Variants in RARRES2 observed in about 807,000 individuals in gnomAD.
RARRES2 encodes retinoic acid receptor responder protein 2.
In RARRES2, 12 loss-of-function variants were observed where a neutral mutation model predicts 17.9. The observed-to-expected ratio is 0.67, with a 90% CI of 0.43 to 1.08. RARRES2 has a LOEUF of 1.08. RARRES2 is among the 50% of genes least tolerant of loss of function. The pLI, the probability that RARRES2 is intolerant of heterozygous loss-of-function variation, is 0.00. For missense variants in RARRES2, 220 were observed against 210.1 expected (o/e 1.05, Z -0.29); for synonymous variants, 82 against 86.8 (o/e 0.94, Z 0.31).
At chr7:150,340,691 C>T (rs1382162676) in intron 1 of RARRES2, 62 bp from the exon 2 acceptor site, 21 of 1,391,744 alleles carry the variant, frequency 1.5e-5, no homozygotes, top group Non-Finnish European at 2.0e-5. Flanking sequence ...CCTCCCGCGC[C>T]CTGCTCTGGG....
At chr7:150,339,221 G>A in intron 3 of RARRES2, 140 bp from the exon 4 acceptor site, 1 of 739,836 alleles carries the variant, frequency 1.4e-6, no homozygotes, top group Non-Finnish European at 2.3e-6. Context: ...AAGAGGTCAT[G>A]CAGGCCAGCA....
intron 1 of RARRES2, 187 bp downstream of exon 1, chr7:150,341,391 G>A (rs1396802907): frequency 6.6e-6 from 1 of 152,284 alleles, no homozygotes; most frequent in Non-Finnish European, 1.5e-5. Context: ...CCACCGGAGG[G>A]GCTGACCCTC....
chr7:150,340,527 C>T lies in RARRES2; in HGVS notation c.83G>A (p.Arg28Gln). The T allele has an allele frequency of 8.2e-6, 13 of 1,586,902 alleles. No individual in the cohort carries two copies. The highest frequency in any genetic ancestry group is 9.4e-6 in the Non-Finnish European group (11 of 1,167,014). ...TTCCTCCAGGGCCACCTGCAGGCCCCGGCGCTGGGCTTCCGTGAGCTCGGC... is the reference window on the plus strand; with the variant it reads ...TTCCTCCAGGGCCACCTGCAGGCCCTGGCGCTGGGCTTCCGTGAGCTCGGC... ...GVAELTEAQR[R>Q]GLQVALEEFH... is the part of the protein sequence containing the mutation. The change falls in exon 2 of 6, where the codon CGG becomes CAG. Residue 28 changes from arginine to glutamine, a missense_variant. Coordinates refer to ENST00000223271, the MANE Select transcript of RARRES2 (RefSeq NM_002889.4).
chr7:150,340,394 G>C, intron 2 of RARRES2, 42 bp downstream of exon 2: 1 of 1,564,710 alleles, frequency 6.4e-7, no homozygotes, highest in South Asian at 1.2e-5. Flanking sequence ...TGGTCTCCTG[G>C]GGTACGACCC....
rs201989291 is a variant in RARRES2, at chr7:150,339,074, C to T, written c.287G>A (p.Arg96Gln). The T allele has an allele frequency of 4.3e-6, 7 of 1,609,766 alleles. No individual in the cohort carries two copies. In the East Asian group the frequency reaches 8.9e-5, roughly 21 times the overall value. ...CAGTTTGATGCAGGCCAGGCATTTC[C>T]GTTTCCTCTGTGGGGGAGCGGGGAG... ...ECKVRPNGRK[R>Q]KCLACIKLGS... Residue 96 changes from arginine to glutamine, a missense_variant, in exon 4 of 6, where the codon CGG becomes CAG. Physicochemically the swap from Arg to Gln is conservative, Grantham distance 43. Transcript: ENST00000223271.
chr7:150,339,968 C>T, intron 3 of RARRES2, 132 bp downstream of exon 3: 1 of 840,036 alleles, frequency 1.2e-6, no homozygotes, highest in Non-Finnish European at 2.0e-6. Flanking sequence ...AGTGGGGTCT[C>T]TAACCTCAGG....
chr7:150,340,671 C>G (rs1243767608), intron 1 of RARRES2, 42 bp from the exon 2 acceptor site: 14 of 1,426,440 alleles, frequency 9.8e-6, no homozygotes, highest in Non-Finnish European at 1.3e-5. Flanking sequence ...CGAGCCAGCC[C>G]GAGCCGCCTC....
chr7:150,340,896 G>T, intron 1 of RARRES2: 1 of 358,382 alleles, frequency 2.8e-6, no homozygotes, highest in Non-Finnish European at 5.0e-6. Flanking sequence ...GAATCAGTCA[G>T]TTCGCACTCC....
chr7:150,338,820 C>A, intron 4 of RARRES2, 79 bp from the exon 5 acceptor site: 4 of 1,566,232 alleles, frequency 2.6e-6, no homozygotes, highest in Non-Finnish European at 2.6e-6. Flanking sequence ...TCCTCCACAT[C>A]CCCTCCACAT....
At position 150,341,591 on chromosome 7, in the gene RARRES2, C is replaced by T. The variant is rs988433897; in HGVS notation, c.-34G>A. 4.6e-5 allele frequency: 7 copies of T among 152,592 alleles called. No homozygotes were observed. Among genetic ancestry groups the T allele is most frequent in the African/African-American group, 1.7e-4 (7 of 41,442 alleles). 9.5% of individuals were successfully genotyped at this position (152,592 alleles called of 1,614,324 possible). A position where few individuals can be genotyped will look rare whatever the true frequency, so the allele number is the denominator to read the frequency against. The stretch of plus-strand genomic sequence containing the variant: ...TCCCCTCCTCACGTCCTTCCCTGCG[C>T]CTGGAGGTCTCCCCTGACCGTCCCG... On this transcript the variant is annotated 5_prime_UTR_variant, in exon 1 of 6. Coordinates refer to ENST00000223271, the MANE Select transcript of RARRES2 (RefSeq NM_002889.4).
In RARRES2 at chr7:150,338,997, G is replaced by A. The variant is rs1164340623; in HGVS notation, c.364C>T (p.Gln122Ter). 1 of 1,606,428 alleles carries A rather than the reference G, an allele frequency of 6.2e-7. No homozygotes were observed. Among genetic ancestry groups the A allele is most frequent in the Non-Finnish European group, 8.5e-7 (1 of 1,173,044 alleles). ...GRLVHCPIET[Q>*]VLREAEEHQE... ...TTGCCCCTTCTTACCCGCAGAACTTGGGTCTCTATGGGGCAGTGGACCAAC... is the reference window on the plus strand; with the variant it reads ...TTGCCCCTTCTTACCCGCAGAACTTAGGTCTCTATGGGGCAGTGGACCAAC... The change falls in exon 4 of 6, where the codon CAA (glutamine) becomes TAA (stop). Residue 122 changes from glutamine to a stop codon, truncating the protein, a stop_gained. Transcript: ENST00000223271. LOFTEE classifies it high-confidence loss of function.
At chr7:150,338,940 A>G (rs750388554) in intron 4 of RARRES2, 46 bp downstream of exon 4, 30 of 1,559,986 alleles carry the variant, frequency 1.9e-5, no homozygotes, top group Non-Finnish European at 2.7e-5. Flanking sequence ...GCTTCCATCC[A>G]TCTTCCCAGC....
chr7:150,339,198 C>T (rs942230881), intron 3 of RARRES2, 117 bp from the exon 4 acceptor site: 32 of 967,124 alleles, frequency 3.3e-5, no homozygotes, highest in Non-Finnish European at 4.0e-5. Flanking sequence ...ACTAGGCCCT[C>T]GAGCCCAGGA....
chr7:150,340,926 T>G, intron 1 of RARRES2: 1 of 259,206 alleles, frequency 3.9e-6, no homozygotes, highest in Non-Finnish European at 7.3e-6. Context: ...CCCCTAATCT[T>G]GCCCATTGTG....
At chr7:150,338,960 A>G (rs1319642033) in intron 4 of RARRES2, 26 bp downstream of exon 4, 2 of 1,572,288 alleles carry the variant, frequency 1.3e-6, no homozygotes, top group African/African-American at 1.4e-5. Flanking sequence ...CCCTGTCACC[A>G]CCTGTGCACC....
At position 150,338,709 on chromosome 7, in the gene RARRES2, G is replaced by T; in HGVS notation, c.408C>A (p.Leu136=). The T allele has an allele frequency of 6.4e-7, 1 of 1,555,656 alleles. No homozygotes were observed. The highest frequency in any genetic ancestry group is 1.2e-5 in the South Asian group (1 of 84,538). ...GGTCCTCACCAGCCCGCTGCACCCTGAGGCACTGGGTCTCCTGGTGCTCCT... is the reference window on the plus strand; with the variant it reads ...GGTCCTCACCAGCCCGCTGCACCCTTAGGCACTGGGTCTCCTGGTGCTCCT... The part of the protein sequence containing the change: ...EAEEHQETQC[L]RVQRAGEDPH... Residue 136 remains leucine, a synonymous_variant, in exon 5 of 6, where the codon CTC becomes CTA. Coordinates refer to ENST00000223271, the MANE Select transcript of RARRES2 (RefSeq NM_002889.4).
rs762000378 is a variant in RARRES2, at chr7:150,340,123, C to A, written c.256G>T (p.Glu86Ter). The change falls in exon 3 of 6, where the codon GAG (glutamate) becomes TAG (stop). Residue 86 changes from glutamate to a stop codon, truncating the protein, a stop_gained. Transcript: ENST00000223271. LOFTEE classifies it high-confidence loss of function. The part of the protein sequence containing the change: ...SCRKRDWKKP[E>*]CKVRPNGRKR... Reference sequence around the variant, plus strand: ...ACCCCATTGGGCCTGACTTTGCACTCGGGTTTCTTCCAGTCCCTCTTCCGG... The same window carrying A: ...ACCCCATTGGGCCTGACTTTGCACTAGGGTTTCTTCCAGTCCCTCTTCCGG... 1 of 1,614,150 alleles carries A rather than the reference C, an allele frequency of 6.2e-7. No homozygotes were observed. Among genetic ancestry groups the A allele is most frequent in the Admixed American group, 1.7e-5 (1 of 60,034 alleles).
rs777273162 is a variant in RARRES2 at position 150,338,738 on chromosome 7, C to T, written c.379G>A (p.Ala127Thr). ...CACTGGGTCTCCTGGTGCTCCTCAG[C>T]CTCCTGCCAGTGCCCAAAACTGTTC... ...CPIETQVLRE[A>T]EEHQETQCLR... Residue 127 changes from alanine (A) to threonine (T), a missense_variant, in exon 5 of 6, where the codon GCT becomes ACT. By Grantham distance (58) the Ala-to-Thr change is moderately conservative (BLOSUM62 0). Coordinates refer to ENST00000223271, the MANE Select transcript of RARRES2 (RefSeq NM_002889.4). 5 of 1,556,966 alleles carry T rather than the reference C, an allele frequency of 3.2e-6. No individual in the cohort carries two copies. The highest frequency in any genetic ancestry group is 1.9e-5 in the Admixed American group (1 of 51,548).
chr7:150,340,037 A>C (rs1379601061), intron 3 of RARRES2, 63 bp downstream of exon 3: 1 of 1,468,202 alleles, frequency 6.8e-7, no homozygotes, highest in Non-Finnish European at 9.5e-7. Flanking sequence ...CCCACACCCC[A>C]AACCCCAAGT....
Sources: gnomAD v4.1 joint callset for allele counts on GRCh38, gnomAD v4.1.1 for gene constraint, MANE v1.5 for transcripts, NCBI Gene and HGNC (gene_info 2026-07-23, HGNC 2026-07-21) for gene names.